SDCCAG8: variants seen among roughly 807,000 people sequenced by gnomAD.
The protein encoded by SDCCAG8 is serologically defined colon cancer antigen 8.
A neutral mutation model predicts 101.8 loss-of-function variants in SDCCAG8; 74 were observed. That is an observed-to-expected ratio of 0.73 (90% CI 0.60 to 0.88). SDCCAG8 has a LOEUF of 0.88. Among genes scored for constraint, SDCCAG8 ranks in the 40% least tolerant of loss-of-function variants. The probability of loss-of-function intolerance (pLI) is 0.00; values close to 1 mark genes in which losing one functional copy is unlikely to be tolerated. For missense variants in SDCCAG8, 787 were observed against 822.6 expected, an observed-to-expected ratio of 0.96 and a Z score of 0.53; for synonymous variants, 281 against 292.9, an observed-to-expected ratio of 0.96 and a Z score of 0.41.
Position 243,304,068 on chromosome 1 carries a change from G to A in SDCCAG8, c.676-645G>A, listed in dbSNP as rs139172195. Among the ~76,000 whole-genome samples, 540 of 138,918 alleles carry A rather than the reference G, an allele frequency of 3.9e-3. 3 individuals carry two copies. The highest frequency in any genetic ancestry group is 0.013 in the African/African-American group (494 of 38,386). The allele number at this position is 138,918 out of a possible 152,430, so 91.1% of individuals were successfully genotyped here. A position where few individuals can be genotyped will look rare whatever the true frequency, so the allele number is the denominator to read the frequency against. Reference sequence around the variant, plus strand: ...AGCCTTGGTGATAGAGTGAGACTCTGTCTCAAAAAAAAAAAAGTTATACAT... The same window carrying A: ...AGCCTTGGTGATAGAGTGAGACTCTATCTCAAAAAAAAAAAAGTTATACAT... On this transcript the variant is annotated intron_variant, in intron 6 of 17. Transcript: ENST00000366541.
At chr1:243,372,574 C>A (rs2077354217) in intron 12 of SDCCAG8, among the ~76,000 whole-genome samples, 1 of 151,846 alleles carries the variant, frequency 6.6e-6, no homozygotes, top group Non-Finnish European at 1.5e-5. Flanking sequence ...TTTAATGAAA[C>A]TTTTTATTTG....
At chr1:243,436,445 T>A (rs796860300) in intron 16 of SDCCAG8, among the ~76,000 whole-genome samples, 5 of 152,314 alleles carry the variant, frequency 3.3e-5, no homozygotes, top group African/African-American at 1.2e-4. Context: ...TTCATTCTTT[T>A]TTTGCATATG....
rs1233933301 is a variant in SDCCAG8, at chr1:243,433,375, AG to A, written c.1985+6819del. ...TCAAAAGAAAAAAAAAAAAAAAAAA[AG>A]GATATACTCTGCCGCACTCTCGTGG... On this transcript the variant is annotated intron_variant, in intron 16 of 17. Transcript: ENST00000366541. Among the ~76,000 whole-genome samples, 137 of 150,274 alleles carry A rather than the reference AG, an allele frequency of 9.1e-4. 1 individual carries two copies. Among genetic ancestry groups the A allele is most frequent in the African/African-American group, 3.0e-3 (123 of 40,736 alleles).
chr1:243,344,445 A>AT lies in SDCCAG8; in HGVS notation c.1473+115dup, dbSNP rs369352778. The AT allele has an allele frequency of 7.2e-4, 642 of 893,544 alleles. 5 individuals carry two copies. The African/African-American group carries it at 9.6e-3, about 13-fold the overall frequency. The allele number at this position is 893,544 out of a possible 1,614,324, so 55.4% of individuals were successfully genotyped here. A position where few individuals can be genotyped will look rare whatever the true frequency, so the allele number is the denominator to read the frequency against. ...ATTTGTATTGTTTCTAACTAATGGG[A>AT]TGATCCAGTTTACACTGTTAGGAAA... On this transcript the variant is annotated intron_variant, in intron 12 of 17. Coordinates refer to ENST00000366541, the MANE Select transcript of SDCCAG8 (RefSeq NM_006642.5).
intron 13 of SDCCAG8, among the ~76,000 whole-genome samples, chr1:243,410,962 C>G (rs1403894236): frequency 6.6e-6 from 1 of 152,122 alleles, no homozygotes; most frequent in Non-Finnish European, 1.5e-5. Context: ...CTAGCCAGTA[C>G]TTGTTCACTC....
In SDCCAG8 at chr1:243,350,513, C is replaced by T. The variant is rs113521743; in HGVS notation, c.1473+6182C>T. 1.2e-4 allele frequency among the ~76,000 whole-genome samples: 18 copies of T among 152,144 alleles called. 1 individual carries two copies. Among genetic ancestry groups the T allele is most frequent in the African/African-American group, 3.1e-4 (13 of 41,530 alleles). On this transcript the variant is annotated intron_variant, in intron 12 of 17. Transcript: ENST00000366541. Reference sequence around the variant, plus strand: ...GATTACAGACGTGAGCCACTGCGCCCGGCCTATGTCAGTCCTTTTTAAAGT... The same window carrying T: ...GATTACAGACGTGAGCCACTGCGCCTGGCCTATGTCAGTCCTTTTTAAAGT...
At chr1:243,259,080 C>A (rs1397219297) in intron 1 of SDCCAG8, among the ~76,000 whole-genome samples, 1 of 152,174 alleles carries the variant, frequency 6.6e-6, no homozygotes, top group African/African-American at 2.4e-5. Flanking sequence ...TCCCTATTTT[C>A]CGTGATCGTA....
intron 5 of SDCCAG8, among the ~76,000 whole-genome samples, chr1:243,289,164 C>T (rs1006949775): frequency 2.0e-5 from 3 of 152,124 alleles, no homozygotes; most frequent in Non-Finnish European, 4.4e-5. Context: ...AACAGGCCAT[C>T]TGCAAGCTGA....
rs1320307394 is a variant in SDCCAG8 at position 243,399,040 on chromosome 1, A to G, written c.1617-16662A>G. On this transcript the variant is annotated intron_variant, in intron 13 of 17. Transcript: ENST00000366541. ...GCAACCTACCAGACAAGGTTTATGT[A>G]ATTACATATACACATACGTGTGTGT... is the stretch of plus-strand genomic sequence containing the variant. Among the ~76,000 whole-genome samples the G allele has an allele frequency of 2.0e-5, 3 of 152,238 alleles. No homozygotes were observed. The East Asian group carries it at 5.8e-4, about 29-fold the overall frequency.
chr1:243,398,125 A>C (rs746188092), intron 13 of SDCCAG8, among the ~76,000 whole-genome samples: 51 of 152,358 alleles, frequency 3.3e-4, no homozygotes, highest in Non-Finnish European at 6.0e-4. Flanking sequence ...AAGTTTCTGC[A>C]CACTGCTCAC....
chr1:243,466,285 T>TA (rs1252852424), intron 16 of SDCCAG8, among the ~76,000 whole-genome samples: 1 of 152,226 alleles, frequency 6.6e-6, no homozygotes, highest in Non-Finnish European at 1.5e-5. Context: ...GAAGTATTGT[T>TA]AAAATTAAAT....
chr1:243,436,020 G>A (rs1362513397), intron 16 of SDCCAG8, among the ~76,000 whole-genome samples: 1 of 152,024 alleles, frequency 6.6e-6, no homozygotes, highest in Non-Finnish European at 1.5e-5. Context: ...CAATTGATAA[G>A]CCTTCATTGG....
intron 12 of SDCCAG8, among the ~76,000 whole-genome samples, chr1:243,369,637 A>T (rs917772911): frequency 6.6e-6 from 1 of 152,164 alleles, no homozygotes; most frequent in Non-Finnish European, 1.5e-5. Flanking sequence ...TCAAGAGCAG[A>T]AACAGGGGAC....
At chr1:243,400,383 A>C (rs1379719681) in intron 13 of SDCCAG8, among the ~76,000 whole-genome samples, 1 of 152,196 alleles carries the variant, frequency 6.6e-6, no homozygotes, top group Admixed American at 6.5e-5. Flanking sequence ...TATGGGGATT[A>C]TTCGTTATTG....
At chr1:243,391,317 C>T (rs1039481024) in intron 13 of SDCCAG8, among the ~76,000 whole-genome samples, 3 of 152,214 alleles carry the variant, frequency 2.0e-5, no homozygotes, top group Admixed American at 2.0e-4. Context: ...CTCTCCCAAG[C>T]CATGTCTCAT....
chr1:243,335,760 TA>T (rs2074959838), intron 10 of SDCCAG8, among the ~76,000 whole-genome samples: 5 of 150,538 alleles, frequency 3.3e-5, no homozygotes, highest in Admixed American at 1.3e-4. Context: ...TAGTACCCAA[TA>T]GTTAGTTTTT....
At chr1:243,292,740 G>T (rs1267964577) in intron 5 of SDCCAG8, among the ~76,000 whole-genome samples, 1 of 152,182 alleles carries the variant, frequency 6.6e-6, no homozygotes, top group Non-Finnish European at 1.5e-5. Context: ...ATTATTATTA[G>T]CCATGCATTT....
intron 13 of SDCCAG8, among the ~76,000 whole-genome samples, chr1:243,383,392 G>A (rs2078078081): frequency 1.3e-5 from 2 of 152,228 alleles, no homozygotes; most frequent in East Asian, 1.9e-4. Context: ...AATGAGGTGA[G>A]GCTAGATGAT....
In SDCCAG8 at chr1:243,294,707, C is replaced by T. The variant is rs570189103; in HGVS notation, c.675+1488C>T. Among the ~76,000 whole-genome samples the T allele has an allele frequency of 7.1e-5, 10 of 140,602 alleles. 2 individuals are homozygous for T. The highest frequency in any genetic ancestry group is 3.5e-4 in the Admixed American group (5 of 14,110). The allele number at this position is 140,602 out of a possible 152,430, so 92.2% of individuals were successfully genotyped here. On this transcript the variant is annotated intron_variant, in intron 6 of 17. Transcript: ENST00000366541. ...GTGACTTTCTAAATTCCCCCCCCCC[C>T]CCACAGCTGCCTTTGAACGTCCTAA...
Sources: gnomAD v4.1 joint callset for allele counts (sites outside exome capture counted in the v4.1 genomes callset) on GRCh38, gnomAD v4.1.1 for gene constraint, MANE v1.5 for transcripts, NCBI Gene and HGNC (gene_info 2026-07-23, HGNC 2026-07-21) for gene names.